The following RBFOX1 variants were observed in gnomAD, a reference collection of about 807,000 sequenced individuals.
The protein encoded by RBFOX1 is RNA binding protein fox-1 homolog 1.
A neutral mutation model predicts 57.7 loss-of-function variants in RBFOX1; 8 were observed. That is an observed-to-expected ratio of 0.14 (90% CI 0.08 to 0.25). The LOEUF is 0.25. Among genes scored for constraint, RBFOX1 ranks in the 10% least tolerant of loss-of-function variants. RBFOX1 has a pLI of 1.00. For synonymous variants in RBFOX1, 326 were observed against 222.4 expected (o/e 1.47, Z -4.15); for missense variants, 611 against 548.5 (o/e 1.11, Z -1.14).
intron 4 of RBFOX1, among the ~76,000 whole-genome samples, chr16:7,343,044 G>A (rs765971838): frequency 3.9e-5 from 6 of 152,162 alleles, no homozygotes; most frequent in Non-Finnish European, 8.8e-5. Flanking sequence ...CTTTGTAGGG[G>A]GAAGAGAGGC....
intron 3 of RBFOX1, among the ~76,000 whole-genome samples, chr16:6,953,749 G>A (rs2081233204): frequency 6.6e-6 from 1 of 152,076 alleles, no homozygotes; most frequent in African/African-American, 2.4e-5. Flanking sequence ...ATACATAATG[G>A]GTGTTGGTGC....
chr16:6,871,248 T>C (rs2060819798), intron 3 of RBFOX1, among the ~76,000 whole-genome samples: 1 of 152,188 alleles, frequency 6.6e-6, no homozygotes, highest in Non-Finnish European at 1.5e-5. Context: ...TGCATTGGCA[T>C]GATCTCGGCT....
chr16:7,318,619 C>T (rs2096488104), intron 4 of RBFOX1, among the ~76,000 whole-genome samples: 1 of 152,162 alleles, frequency 6.6e-6, no homozygotes, highest in Non-Finnish European at 1.5e-5. Context: ...TTCCTATAAA[C>T]AAACTCTTAG....
chr16:6,724,118 C>A (rs1036683177), intron 3 of RBFOX1, among the ~76,000 whole-genome samples: 2 of 151,956 alleles, frequency 1.3e-5, no homozygotes, highest in Admixed American at 1.3e-4. Flanking sequence ...GCAGGGACTT[C>A]ATGAATGGGA....
At position 6,780,484 on chromosome 16, in the gene RBFOX1, ATATT is replaced by A. The variant is rs550030856; in HGVS notation, c.-16+125838_-16+125841del. ...TATATATTTATATACATTTTTATATATATTTATATACATTTTTATATATTTATAT... is the reference window on the plus strand; with the variant it reads ...TATATATTTATATACATTTTTATATATATATACATTTTTATATATTTATAT... On this transcript the variant is annotated intron_variant, in intron 3 of 15. Transcript: ENST00000550418. Among the ~76,000 whole-genome samples, 103 of 103,142 alleles carry A rather than the reference ATATT, an allele frequency of 1.0e-3. 1 individual carries two copies. Among genetic ancestry groups the A allele is most frequent in the South Asian group, 5.9e-3 (20 of 3,382 alleles). The allele number at this position is 103,142 out of a possible 152,430, so 67.7% of individuals were successfully genotyped here.
intron 1 of RBFOX1, among the ~76,000 whole-genome samples, chr16:5,359,906 C>T (rs1053228533): frequency 6.7e-5 from 10 of 148,174 alleles, no homozygotes; most frequent in South Asian, 2.2e-4. Flanking sequence ...TGGGACTTGC[C>T]AATTCTCACA....
At chr16:5,618,735 G>C (rs1277733257) in intron 3 of RBFOX1, among the ~76,000 whole-genome samples, 2 of 152,332 alleles carry the variant, frequency 1.3e-5, no homozygotes, top group East Asian at 3.9e-4. Flanking sequence ...TTCTCATTTT[G>C]GGTCAGGTTG....
At chr16:5,704,885 G>C (rs543970454) in intron 3 of RBFOX1, among the ~76,000 whole-genome samples, 5 of 152,064 alleles carry the variant, frequency 3.3e-5, no homozygotes, top group African/African-American at 9.7e-5. Flanking sequence ...GAGACTTATC[G>C]GGCTTCTTAC....
intron 4 of RBFOX1, among the ~76,000 whole-genome samples, chr16:7,109,416 C>T (rs367792504): frequency 2.0e-5 from 3 of 152,054 alleles, no homozygotes; most frequent in African/African-American, 7.2e-5. Context: ...CTCTCAGAAC[C>T]CTAAGGCAAT....
intron 4 of RBFOX1, among the ~76,000 whole-genome samples, chr16:7,218,255 C>CTAT (rs1567755268): frequency 1.3e-5 from 2 of 152,160 alleles, no homozygotes; most frequent in Admixed American, 1.3e-4. Flanking sequence ...CTGAAAATCA[C>CTAT]TATTCTCTAC....
At chr16:7,627,632 C>G (rs1353254663) in intron 10 of RBFOX1, among the ~76,000 whole-genome samples, 1 of 152,202 alleles carries the variant, frequency 6.6e-6, no homozygotes, top group Non-Finnish European at 1.5e-5. Flanking sequence ...TAGGCCCTCT[C>G]CATACTGCTG....
At chr16:6,862,130 A>G (rs888948902) in intron 3 of RBFOX1, among the ~76,000 whole-genome samples, 2 of 152,222 alleles carry the variant, frequency 1.3e-5, no homozygotes, top group Admixed American at 1.3e-4. Context: ...TTCAGCAACA[A>G]TAACAACAAA....
At chr16:6,898,900 CG>C (rs1433943800) in intron 3 of RBFOX1, among the ~76,000 whole-genome samples, 10 of 142,720 alleles carry the variant, frequency 7.0e-5, no homozygotes, top group Non-Finnish European at 1.3e-4. Flanking sequence ...GTGTGCATCT[CG>C]TATGTGTTTG....
rs370264332 is a variant in RBFOX1, at chr16:5,427,172, C to G, written c.220-40044C>G. On this transcript the variant is annotated intron_variant, in intron 1 of 2. Coordinates refer to the RBFOX1 transcript ENST00000585867. The stretch of plus-strand genomic sequence containing the variant: ...AGTAAGGTTGGAGCCCTTGAGTGGG[C>G]TCACCAGAGAATTAGGATTCACCAG... Among the ~76,000 whole-genome samples, 54 of 152,336 alleles carry G rather than the reference C, an allele frequency of 3.5e-4. 1 individual carries two copies. The South Asian group carries it at 0.011, about 31-fold the overall frequency.
rs1164715604 is a variant in RBFOX1 at position 7,085,017 on chromosome 16, G to A, written c.27+32919G>A. ...ATCCATGCATCCCACTAATATGTCA[G>A]TGTCTTACTCAGAATGGAAATACTG... On this transcript the variant is annotated intron_variant, in intron 4 of 15. Coordinates refer to ENST00000550418, the MANE Select transcript of RBFOX1 (RefSeq NM_018723.4). 4.6e-5 allele frequency among the ~76,000 whole-genome samples: 7 copies of A among 152,198 alleles called. No individual in the cohort carries two copies. The East Asian group carries it at 7.7e-4, about 17-fold the overall frequency.
intron 3 of RBFOX1, among the ~76,000 whole-genome samples, chr16:5,753,327 T>A (rs1192403037): frequency 6.6e-6 from 1 of 152,150 alleles, no homozygotes; most frequent in Non-Finnish European, 1.5e-5. Context: ...TAGGTATAAA[T>A]TGTCTATGAA....
chr16:6,738,077 C>G (rs566965263), intron 3 of RBFOX1, among the ~76,000 whole-genome samples: 20 of 114,860 alleles, frequency 1.7e-4, no homozygotes, highest in African/African-American at 5.1e-4. Context: ...TGCGGTAATT[C>G]TTAAAAAAAA....
intron 2 of RBFOX1, among the ~76,000 whole-genome samples, chr16:6,397,460 A>G (rs111227059): frequency 6.6e-6 from 1 of 152,182 alleles, no homozygotes; most frequent in African/African-American, 2.4e-5. Context: ...AATCCTTCAC[A>G]GAAATTAATA....
chr16:7,366,232 C>T (rs1226769365), intron 4 of RBFOX1, among the ~76,000 whole-genome samples: 1 of 152,254 alleles, frequency 6.6e-6, no homozygotes, highest in African/African-American at 2.4e-5. Context: ...TGCATGTTCT[C>T]TTATTGCCAG....
Sources: allele counts gnomAD v4.1 joint callset (sites outside exome capture counted in the v4.1 genomes callset), GRCh38; gene constraint gnomAD v4.1.1; transcripts MANE v1.5; gene names NCBI Gene and HGNC (gene_info 2026-07-23, HGNC 2026-07-21).